The following POTEF variants were observed in gnomAD, a reference collection of about 807,000 sequenced individuals.
The protein encoded by POTEF is ANKRD26-like family C member 1B.
POTEF carries 20 observed loss-of-function variants against 83.2 expected under a neutral mutation model. The observed-to-expected ratio is 0.24, with a 90% CI of 0.17 to 0.35. The LOEUF is 0.35. POTEF is among the 10% of genes least tolerant of loss of function. The pLI is 1.00. For missense variants in POTEF, 550 were observed against 1,203.2 expected (o/e 0.46, Z 8.03); for synonymous variants, 196 against 446.4 (o/e 0.44, Z 7.07).
chr2:130,121,818 ATTAT>A (rs763763560), intron 2 of POTEF, among the ~76,000 whole-genome samples: 16 of 112,266 alleles, frequency 1.4e-4, no homozygotes, highest in Non-Finnish European at 2.6e-4. Context: ...CAATTTATAT[ATTAT>A]TTAATTCACT....
chr2:130,111,603 A>C (rs1363395199), intron 6 of POTEF, among the ~76,000 whole-genome samples: 1 of 151,500 alleles, frequency 6.6e-6, no homozygotes, highest in Non-Finnish European at 1.5e-5. Flanking sequence ...ATTTATGTTT[A>C]ATACAGCATA....
At chr2:130,083,476 G>A (rs1457240560) in intron 15 of POTEF, among the ~76,000 whole-genome samples, 2 of 140,708 alleles carry the variant, frequency 1.4e-5, no homozygotes, top group Non-Finnish European at 3.0e-5. Context: ...GCCTGAGGGA[G>A]TGAGGTCCTG....
In POTEF at chr2:130,127,873, G is replaced by A. The variant is rs1685137947; in HGVS notation, c.-249-9C>T. ...GGCAAAGCCAGAAAAGCCTAGAATG[G>A]GATGCAGGGAGTGGTAACGTTAGAG... On this transcript the variant is annotated splice_polypyrimidine_tract_variant and intron_variant, in intron 1 of 16. Coordinates refer to ENST00000409914, the MANE Select transcript of POTEF (RefSeq NM_001099771.2). 1 of 147,556 alleles carries A rather than the reference G, an allele frequency of 6.8e-6. No homozygotes were observed. The highest frequency in any genetic ancestry group is 1.5e-5 in the Non-Finnish European group (1 of 67,226). 9.1% of individuals were successfully genotyped at this position (147,556 alleles called of 1,614,324 possible). A position where few individuals can be genotyped will look rare whatever the true frequency, so the allele number is the denominator to read the frequency against.
chr2:130,085,360 A>AT (rs1683986491), intron 15 of POTEF, among the ~76,000 whole-genome samples: 1 of 149,090 alleles, frequency 6.7e-6, no homozygotes, highest in Admixed American at 6.6e-5. Flanking sequence ...TGGGAACTAA[A>AT]CATGAGAACT....
At chr2:130,119,165 C>CT (rs771733018) in intron 3 of POTEF, among the ~76,000 whole-genome samples, 4,080 of 138,960 alleles carry the variant, frequency 0.029, 124 homozygotes, top group African/African-American at 0.069. Flanking sequence ...AAGCTCCCAT[C>CT]TTTTTTTTTT....
rs1210612917 is a variant in POTEF, at chr2:130,078,234, A to G, written c.1779-1033T>C. Among the ~76,000 whole-genome samples the G allele has an allele frequency of 4.5e-5, 4 of 88,962 alleles. 1 individual carries two copies. The highest frequency in any genetic ancestry group is 1.5e-4 in the Admixed American group (1 of 6,764). 58.4% of individuals were successfully genotyped at this position (88,962 alleles called of 152,430 possible). Reference sequence around the variant, plus strand: ...TACAAAACACTCCTAGATTTGATACATGAATTCAGTAAAGTCTCAGAGGTT... The same window carrying G: ...TACAAAACACTCCTAGATTTGATACGTGAATTCAGTAAAGTCTCAGAGGTT... On this transcript the variant is annotated intron_variant, in intron 15 of 16. Transcript: ENST00000409914.
chr2:130,117,482 T>A (rs1197054043), intron 3 of POTEF, among the ~76,000 whole-genome samples: 1 of 151,902 alleles, frequency 6.6e-6, no homozygotes, highest in Admixed American at 6.6e-5. Context: ...CACTTACAAA[T>A]CCCCAGAAAC....
At chr2:130,126,659 G>A (rs1685099437) in intron 2 of POTEF, among the ~76,000 whole-genome samples, 2 of 151,998 alleles carry the variant, frequency 1.3e-5, no homozygotes, top group Middle Eastern at 3.2e-3. Flanking sequence ...GGCATAAGTG[G>A]TTTAACACAA....
chr2:130,113,239 A>G (rs1684758053), intron 5 of POTEF, among the ~76,000 whole-genome samples: 1 of 113,002 alleles, frequency 8.8e-6, no homozygotes, highest in Non-Finnish European at 1.8e-5. Context: ...AAAAAAAAAA[A>G]CTGAGGTTGG....
chr2:130,117,546 G>A (rs949876481), intron 3 of POTEF, among the ~76,000 whole-genome samples: 26 of 152,004 alleles, frequency 1.7e-4, no homozygotes, highest in Admixed American at 9.2e-4. Flanking sequence ...GATTCTGTTC[G>A]TGTATATGTG....
At chr2:130,128,570 A>T (rs1182725666) in intron 1 of POTEF, among the ~76,000 whole-genome samples, 1 of 19,698 alleles carries the variant, frequency 5.1e-5, no homozygotes, top group Non-Finnish European at 1.1e-4. Flanking sequence ...CACCCCCTCC[A>T]CAGGCAGTGT....
Position 130,075,305 on chromosome 2 carries a change from C to A in POTEF, c.2167G>T (p.Gly723Cys). Reference sequence around the variant, plus strand: ...AAGACAGCCCGGGGGGCATCGTCGCCCGCAAAGCCGGCCTTGCACATGCCA... The same window carrying A: ...AAGACAGCCCGGGGGGCATCGTCGCACGCAAAGCCGGCCTTGCACATGCCA... ...GSGMCKAGFA[G>C]DDAPRAVFPS... Residue 723 changes from glycine to cysteine, a missense_variant, in exon 17 of 17, where the codon GGC becomes TGC. Coordinates refer to ENST00000409914, the MANE Select transcript of POTEF (RefSeq NM_001099771.2). 2 of 1,612,688 alleles carry A rather than the reference C, an allele frequency of 1.2e-6. No individual in the cohort carries two copies. Among genetic ancestry groups the A allele is most frequent in the Middle Eastern group, 1.9e-4 (1 of 5,174 alleles).
intron 6 of POTEF, among the ~76,000 whole-genome samples, chr2:130,111,560 G>A (rs1684711008): frequency 1.3e-5 from 2 of 151,516 alleles, no homozygotes; most frequent in Non-Finnish European, 2.9e-5. Flanking sequence ...TTAAAGCAAA[G>A]TCATTAAAAA....
At chr2:130,080,265 C>A (rs1286475309) in intron 15 of POTEF, among the ~76,000 whole-genome samples, 1 of 108,406 alleles carries the variant, frequency 9.2e-6, no homozygotes, top group East Asian at 2.6e-4. Flanking sequence ...CGTAAATTTT[C>A]TTCACTTTTA....
chr2:130,075,043 A>G lies in POTEF; in HGVS notation c.2429T>C (p.Leu810Pro), dbSNP rs750957651. ...EHPVLLTEAT[L>P]NPKANREKMT... ...CTTCTCGCGGTTGGCCTTAGGGTTC[A>G]GGGTGGCCTCGGTCAGCAGGACGGG... Residue 810 changes from leucine to proline, a missense_variant, in exon 17 of 17, where the codon CTG becomes CCG. By Grantham distance (98) the Leu-to-Pro change is moderately conservative (BLOSUM62 -3). Coordinates refer to ENST00000409914, the MANE Select transcript of POTEF (RefSeq NM_001099771.2). The G allele has an allele frequency of 6.8e-6, 11 of 1,613,668 alleles. No individual in the cohort carries two copies. Among genetic ancestry groups the G allele is most frequent in the Admixed American group, 6.7e-5 (4 of 59,946 alleles).
chr2:130,094,886 G>C (rs1389999557), intron 11 of POTEF, among the ~76,000 whole-genome samples: 12 of 134,846 alleles, frequency 8.9e-5, no homozygotes, highest in Non-Finnish European at 1.9e-4. Flanking sequence ...AGAATAAATA[G>C]TGAATAACCA....
chr2:130,113,901 C>T (rs1237897125), intron 5 of POTEF, among the ~76,000 whole-genome samples: 2 of 151,468 alleles, frequency 1.3e-5, no homozygotes, highest in African/African-American at 2.4e-5. Flanking sequence ...GGAGAGAGAC[C>T]CATTTGCTGA....
At chr2:130,126,456 GC>G (rs1339839549) in intron 2 of POTEF, among the ~76,000 whole-genome samples, 1 of 151,968 alleles carries the variant, frequency 6.6e-6, no homozygotes, top group African/African-American at 2.4e-5. Flanking sequence ...ATGGCTGTTT[GC>G]CACCAATATT....
At chr2:130,107,941 A>T in intron 8 of POTEF, 68 bp downstream of exon 8, 1 of 1,604,388 alleles carries the variant, frequency 6.2e-7, no homozygotes, top group East Asian at 2.2e-5. Context: ...GTCTTCCACA[A>T]AACCGGTCCC....
Sources: allele counts gnomAD v4.1 joint callset (sites outside exome capture counted in the v4.1 genomes callset), GRCh38; gene constraint gnomAD v4.1.1; transcripts MANE v1.5; gene names NCBI Gene and HGNC (gene_info 2026-07-23, HGNC 2026-07-21).